MID2: variants seen among roughly 807,000 people sequenced by gnomAD.
MID2 encodes probable E3 ubiquitin-protein ligase MID2.
In MID2, 13 loss-of-function variants were observed where a neutral mutation model predicts 46.1. That is an observed-to-expected ratio of 0.28 (90% CI 0.18 to 0.45). MID2 has a LOEUF of 0.45. Among genes scored for constraint, MID2 ranks in the 20% least tolerant of loss-of-function variants. The pLI is 1.00. For synonymous variants in MID2, 199 were observed against 212.3 expected (o/e 0.94, Z 0.55); for missense variants, 431 against 575.4 (o/e 0.75, Z 2.57).
intron 3 of MID2, among the ~76,000 whole-genome samples, chrX:107,867,406 C>G (rs1395802795): frequency 1.8e-5 from 2 of 109,457 alleles, no homozygotes; most frequent in African/African-American, 6.7e-5. Context: ...TGTGATCCGC[C>G]CACCTCGGCC....
intron 3 of MID2, among the ~76,000 whole-genome samples, chrX:107,884,280 A>C (rs1224484542): frequency 2.7e-5 from 3 of 112,291 alleles, no homozygotes; most frequent in Non-Finnish European, 5.6e-5. Flanking sequence ...TTTGGGAAAG[A>C]GGTACCAGAC....
chrX:107,889,906 G>A (rs190922582), intron 3 of MID2, among the ~76,000 whole-genome samples: 9 of 111,104 alleles, frequency 8.1e-5, no homozygotes, highest in Admixed American at 2.9e-4. Context: ...CCAGTTGATC[G>A]AATCAGCTAC....
chrX:107,909,723 T>G (rs1389348681), intron 5 of MID2, among the ~76,000 whole-genome samples: 1 of 112,563 alleles, frequency 8.9e-6, no homozygotes, highest in Non-Finnish European at 1.9e-5. Context: ...CAAGTTAATT[T>G]TCACACTTGA....
intron 2 of MID2, among the ~76,000 whole-genome samples, chrX:107,842,711 AT>A (rs1931375795): frequency 8.9e-6 from 1 of 112,176 alleles, no homozygotes; most frequent in African/African-American, 3.2e-5. Context: ...AGCAAATTCA[AT>A]TTTTTTATTT....
In MID2 at chrX:107,931,133, T is replaced by C. The variant is rs941438121; in HGVS notation, c.*4060T>C. Among the ~76,000 whole-genome samples the C allele has an allele frequency of 8.9e-6, 1 of 112,564 alleles. No individual in the cohort carries two copies. The highest frequency in any genetic ancestry group is 3.2e-5 in the African/African-American group (1 of 31,023). ...TCTAGGTGAATTTTCTAAACTTCCA[T>C]GGTTTACATATTTATATATGACTAC... On this transcript the variant is annotated 3_prime_UTR_variant, in exon 10 of 10. Transcript: ENST00000262843.
chrX:107,901,717 A>G (rs1932795740), intron 3 of MID2, among the ~76,000 whole-genome samples: 1 of 111,452 alleles, frequency 9.0e-6, no homozygotes, highest in South Asian at 3.8e-4. Context: ...AAATATAAAT[A>G]GGGGATCAAT....
intron 2 of MID2, 105 bp downstream of exon 2, chrX:107,841,490 C>A: frequency 3.5e-6 from 2 of 570,912 alleles, no homozygotes; most frequent in Admixed American, 3.6e-5. Context: ...AGTGAGTTAA[C>A]TTTAAGTTGT....
At chrX:107,887,292 C>T (rs1035314953) in intron 3 of MID2, among the ~76,000 whole-genome samples, 3 of 111,837 alleles carry the variant, frequency 2.7e-5, no homozygotes, top group African/African-American at 6.5e-5. Context: ...TTTTGAGATA[C>T]GTCCAATCAA....
rs530620452 is a variant in MID2, at chrX:107,924,258, G to A, written c.1436-85G>A. 2.5e-5 allele frequency: 23 copies of A among 933,540 alleles called. No individual in the cohort carries two copies. In the South Asian group the frequency reaches 4.3e-4, roughly 17 times the overall value. 76.9% of individuals were successfully genotyped at this position (933,540 alleles called of 1,213,427 possible). ...ACAAAATGAATTCACTTTTGAGGGG[G>A]TGGCTTATGATGAATTTTCAGTGTG... On this transcript the variant is annotated intron_variant, in intron 7 of 9. Transcript: ENST00000262843.
rs1933192798 is a variant in MID2, at chrX:107,927,021, A to T, written c.2156A>T (p.Asn719Ile). The T allele has an allele frequency of 2.5e-6, 3 of 1,210,765 alleles. No individual in the cohort carries two copies. Among genetic ancestry groups the T allele is most frequent in the Non-Finnish European group, 3.4e-6 (3 of 894,826 alleles). ...FIDYPERQEC[N>I]CRPQESPYVS... ...GATTACCCTGAGCGGCAGGAATGCA[A>T]CTGCAGGCCTCAAGAATCCCCTTAT... The change falls in exon 10 of 10, where the codon AAC (asparagine) becomes ATC (isoleucine). Residue 719 changes from asparagine to isoleucine, a missense_variant. Coordinates refer to ENST00000262843, the MANE Select transcript of MID2 (RefSeq NM_012216.4).
chrX:107,837,065 G>T (rs1931224145), intron 1 of MID2, among the ~76,000 whole-genome samples: 1 of 111,543 alleles, frequency 9.0e-6, no homozygotes, highest in Non-Finnish European at 1.9e-5. Context: ...AGGAAGTTCA[G>T]AAGTCCCCGG....
chrX:107,890,422 G>T (rs1304363015), intron 3 of MID2, among the ~76,000 whole-genome samples: 1 of 112,154 alleles, frequency 8.9e-6, no homozygotes, highest in Admixed American at 9.4e-5. Flanking sequence ...AGCAGAGGCT[G>T]CAGAACAGTG....
intron 3 of MID2, among the ~76,000 whole-genome samples, chrX:107,889,948 T>C (rs752672476): frequency 2.5e-4 from 28 of 112,305 alleles, no homozygotes; most frequent in Admixed American, 2.4e-3. Context: ...ATAGTTCTCG[T>C]GCCATGGTTT....
rs1489724968 is a variant in MID2, at chrX:107,908,486, T to TA, written c.1073+2862dup. On this transcript the variant is annotated intron_variant, in intron 5 of 9. Coordinates refer to ENST00000262843, the MANE Select transcript of MID2 (RefSeq NM_012216.4). ...CACTAGCCTTTTCTTCTGTGATACC[T>TA]AATCTGCTGTTAACCCCTCCAGTGT... Among the ~76,000 whole-genome samples, 6 of 111,646 alleles carry TA rather than the reference T, an allele frequency of 5.4e-5. No homozygotes were observed. The Admixed American group carries it at 5.7e-4, about 11-fold the overall frequency.
At chrX:107,844,056 G>A (rs181507296) in intron 2 of MID2, among the ~76,000 whole-genome samples, 3 of 111,091 alleles carry the variant, frequency 2.7e-5, no homozygotes, top group Admixed American at 9.6e-5. Context: ...TTACTTTTTG[G>A]TTCTGGAACT....
At chrX:107,888,527 G>C (rs1351861210) in intron 3 of MID2, among the ~76,000 whole-genome samples, 2 of 111,758 alleles carry the variant, frequency 1.8e-5, no homozygotes, top group Non-Finnish European at 3.8e-5. Flanking sequence ...CATTTGCTGA[G>C]AAGTGCTTTA....
chrX:107,886,132 T>A (rs1197743966), intron 3 of MID2, among the ~76,000 whole-genome samples: 3 of 111,677 alleles, frequency 2.7e-5, no homozygotes, highest in Non-Finnish European at 5.7e-5. Context: ...TTTAATTAGA[T>A]CCCATTTGTC....
At chrX:107,829,968 G>A (rs963914064) in intron 1 of MID2, among the ~76,000 whole-genome samples, 3 of 111,897 alleles carry the variant, frequency 2.7e-5, no homozygotes, top group Admixed American at 1.9e-4. Flanking sequence ...GCTTCAACTC[G>A]CAGATCCTAA....
chrX:107,836,676 T>C (rs772977861), intron 1 of MID2, among the ~76,000 whole-genome samples: 84 of 109,570 alleles, frequency 7.7e-4, no homozygotes, highest in Non-Finnish European at 1.0e-3. Flanking sequence ...GTAGGGGAAA[T>C]GGGGGATAAT....
Sources: allele counts gnomAD v4.1 joint callset (sites outside exome capture counted in the v4.1 genomes callset), GRCh38; gene constraint gnomAD v4.1.1; transcripts MANE v1.5; gene names NCBI Gene and HGNC (gene_info 2026-07-23, HGNC 2026-07-21).